Variants in ERGIC1 observed in about 807,000 individuals in gnomAD.
ERGIC1 encodes the protein endoplasmic reticulum-golgi intermediate compartment 1, also known as endoplasmic reticulum-Golgi intermediate compartment protein 1.
A neutral mutation model predicts 38.3 loss-of-function variants in ERGIC1; 19 were observed. That is an observed-to-expected ratio of 0.50 (90% CI 0.35 to 0.73). The LOEUF (loss-of-function observed/expected upper bound fraction) is 0.73. Ranked by LOEUF, ERGIC1 falls within the 30% of genes least tolerant of loss-of-function variation. The pLI is 0.01. For missense variants in ERGIC1, 294 were observed against 389.2 expected (o/e 0.76, Z 2.06); for synonymous variants, 124 against 157.6 (o/e 0.79, Z 1.60).
At chr5:172,892,858 G>A (rs908708102) in intron 2 of ERGIC1, among the ~76,000 whole-genome samples, 1 of 152,158 alleles carries the variant, frequency 6.6e-6, no homozygotes, top group Non-Finnish European at 1.5e-5. Context: ...CTGGGGTAAG[G>A]GTAACACACG....
intron 3 of ERGIC1, among the ~76,000 whole-genome samples, chr5:172,900,275 GCTT>G (rs1762835865): frequency 6.6e-6 from 1 of 152,184 alleles, no homozygotes; most frequent in Non-Finnish European, 1.5e-5. Flanking sequence ...GGGCAGGGCT[GCTT>G]CTTTCTGAAG....
At chr5:172,924,854 G>A (rs1208442874) in intron 6 of ERGIC1, among the ~76,000 whole-genome samples, 1 of 152,098 alleles carries the variant, frequency 6.6e-6, no homozygotes, top group Non-Finnish European at 1.5e-5. Context: ...AGTACCTACC[G>A]TGTCCAGGCC....
intron 1 of ERGIC1, among the ~76,000 whole-genome samples, chr5:172,872,252 C>T (rs986791048): frequency 6.6e-6 from 1 of 152,204 alleles, no homozygotes; most frequent in African/African-American, 2.4e-5. Context: ...GTCTGAGTCA[C>T]TGTCTCTACA....
chr5:172,945,979 C>T (rs543999805), intron 9 of ERGIC1, among the ~76,000 whole-genome samples: 3 of 152,310 alleles, frequency 2.0e-5, no homozygotes, highest in South Asian at 2.1e-4. Context: ...CCACTGCACC[C>T]GGCTGGCTTT....
chr5:172,933,640 C>T (rs541628034), intron 8 of ERGIC1: 1 of 61,746 alleles, frequency 1.6e-5, no homozygotes, highest in South Asian at 4.4e-4. Flanking sequence ...AATTGATGTT[C>T]CCGGGAGCCC....
intron 1 of ERGIC1, among the ~76,000 whole-genome samples, chr5:172,885,241 C>T (rs1012580523): frequency 6.6e-6 from 1 of 152,106 alleles, no homozygotes; most frequent in Non-Finnish European, 1.5e-5. Context: ...GTGATCCTCC[C>T]ACCTCAGCCT....
intron 2 of ERGIC1, among the ~76,000 whole-genome samples, chr5:172,893,935 G>GTGTGTATATA (rs1429850022): frequency 9.3e-5 from 4 of 42,826 alleles, no homozygotes; most frequent in Non-Finnish European, 1.4e-4. Context: ...GTGTGTGTGT[G>GTGTGTATATA]TATATATATA....
intron 7 of ERGIC1, among the ~76,000 whole-genome samples, chr5:172,932,016 G>A (rs1022629608): frequency 2.6e-5 from 4 of 151,942 alleles, no homozygotes; most frequent in South Asian, 2.1e-4. Context: ...CTGCCACCAC[G>A]CCTGGCTAAT....
At chr5:172,914,973 A>G (rs1376630722) in intron 5 of ERGIC1, 135 bp downstream of exon 5, 4 of 1,406,052 alleles carry the variant, frequency 2.8e-6, no homozygotes, top group African/African-American at 1.4e-5. Context: ...GTTCGTGTCC[A>G]GCTGCCTGGC....
chr5:172,877,932 T>C (rs561272479), intron 1 of ERGIC1, among the ~76,000 whole-genome samples: 56 of 152,346 alleles, frequency 3.7e-4, no homozygotes, highest in African/African-American at 1.3e-3. Context: ...AGCCTGGGGC[T>C]GGGCCGGGTA....
At chr5:172,896,219 T>G (rs1762717654) in intron 2 of ERGIC1, among the ~76,000 whole-genome samples, 1 of 152,114 alleles carries the variant, frequency 6.6e-6, no homozygotes, top group Non-Finnish European at 1.5e-5. Flanking sequence ...AGCAGGCACC[T>G]GTAATCCCAG....
At chr5:172,914,507 A>G in intron 4 of ERGIC1, 1 of 770,432 alleles carries the variant, frequency 1.3e-6, no homozygotes, top group South Asian at 1.6e-5. Context: ...CGGGACCCCT[A>G]CTATGCACTG....
chr5:172,928,290 A>C (rs1347737213), intron 7 of ERGIC1, among the ~76,000 whole-genome samples: 2 of 152,278 alleles, frequency 1.3e-5, no homozygotes, highest in Non-Finnish European at 2.9e-5. Flanking sequence ...GTGGAGAGAA[A>C]AAAGCATGAG....
intron 2 of ERGIC1, 55 bp downstream of exon 2, chr5:172,888,815 GCT>G: frequency 6.8e-7 from 1 of 1,463,436 alleles, no homozygotes; most frequent in Non-Finnish European, 9.6e-7. Context: ...GCCTGTGCCT[GCT>G]CTCTCTGTGC....
chr5:172,950,572 T>C lies in ERGIC1; in HGVS notation c.766-137T>C, dbSNP rs1311188399. 8.1e-6 allele frequency: 5 copies of C among 617,160 alleles called. No individual in the cohort carries two copies. In the African/African-American group the frequency reaches 9.3e-5, roughly 11 times the overall value. 38.2% of individuals were successfully genotyped at this position (617,160 alleles called of 1,614,324 possible). ...AAGTATGTTCCGGACTTGGTGACTA[T>C]GTAGTGGGTATTATGGGCTTAACGG... On this transcript the variant is annotated intron_variant, in intron 9 of 9. Transcript: ENST00000393784.
chr5:172,950,760 T>C lies in ERGIC1; in HGVS notation c.817T>C (p.Cys273Arg). 1 of 1,613,256 alleles carries C rather than the reference T, an allele frequency of 6.2e-7. No homozygotes were observed. Among genetic ancestry groups the C allele is most frequent in the Non-Finnish European group, 8.5e-7 (1 of 1,179,372 alleles). Residue 273 changes from cysteine to arginine, a missense_variant, in exon 10 of 10, where the codon TGC becomes CGC. Transcript: ENST00000393784. ...CACCGTCGCCGGCATCCTGGACTCA[T>C]GCATCTTCACAGCCTCTGAGGCCTG... ...TFTVAGILDS[C>R]IFTASEAWKK...
At chr5:172,925,405 C>T (rs1163534413) in intron 6 of ERGIC1, among the ~76,000 whole-genome samples, 3 of 152,162 alleles carry the variant, frequency 2.0e-5, no homozygotes, top group African/African-American at 7.2e-5. Context: ...AGCAAATAGA[C>T]AAACTTCCTT....
intron 1 of ERGIC1, among the ~76,000 whole-genome samples, chr5:172,861,425 C>T (rs917982190): frequency 6.6e-6 from 1 of 152,228 alleles, no homozygotes; most frequent in African/African-American, 2.4e-5. Flanking sequence ...TCCATGGGAA[C>T]CTCGGTTCCT....
At chr5:172,899,560 ACCCGCCTCAGCCTGTAAT>A (rs1172840597) in intron 3 of ERGIC1, among the ~76,000 whole-genome samples, 2 of 151,030 alleles carry the variant, frequency 1.3e-5, no homozygotes, top group African/African-American at 2.4e-5. Context: ...CAAATGATCC[ACCCGCCTCAGCCTGTAAT>A]CCCAGGCTGG....
Sources: allele counts gnomAD v4.1 joint callset (sites outside exome capture counted in the v4.1 genomes callset), GRCh38; gene constraint gnomAD v4.1.1; transcripts MANE v1.5; gene names NCBI Gene and HGNC (gene_info 2026-07-23, HGNC 2026-07-21).